Variants in ZMAT1 observed in about 807,000 individuals in gnomAD.
ZMAT1 encodes zinc finger matrin-type 1.
In ZMAT1, 11 loss-of-function variants were observed where a neutral mutation model predicts 18.5. The ratio of observed to expected loss-of-function variants is 0.59; its 90% CI spans 0.37 to 0.98. ZMAT1 has a LOEUF of 0.98. ZMAT1 is among the 50% of genes least tolerant of loss of function. The pLI is 0.01. For synonymous variants in ZMAT1, 211 were observed against 176.4 expected, an observed-to-expected ratio of 1.20 and a Z score of -1.55; for missense variants, 525 against 496.2, an observed-to-expected ratio of 1.06 and a Z score of -0.55.
intron 1 of ZMAT1, among the ~76,000 whole-genome samples, chrX:101,914,969 C>A (rs1272985294): frequency 2.7e-5 from 3 of 111,581 alleles, no homozygotes; most frequent in African/African-American, 9.8e-5. Context: ...TTCAACACTA[C>A]ATTAGAACGA....
In ZMAT1 at chrX:101,911,757, A is replaced by G. The variant is rs983018342; in HGVS notation, c.293-7427T>C. On this transcript the variant is annotated intron_variant, in intron 1 of 5. Coordinates refer to ENST00000651725, the MANE Select transcript of ZMAT1 (RefSeq NM_001394560.1). ...GGAGAGAAACCCTATGAATGTAACC[A>G]GTGTGGCAGAGCCTTCGGCCAGAGC... 30 of 1,207,917 alleles carry G rather than the reference A, an allele frequency of 2.5e-5. No individual in the cohort carries two copies. The African/African-American group carries it at 4.6e-4, about 18-fold the overall frequency.
chrX:101,919,488 A>G (rs1422822465), intron 1 of ZMAT1, among the ~76,000 whole-genome samples: 2 of 111,932 alleles, frequency 1.8e-5, no homozygotes, highest in African/African-American at 6.5e-5. Flanking sequence ...ATGCATACAT[A>G]ACGGTTCCAC....
At chrX:101,920,190 C>A (rs1929631886) in intron 1 of ZMAT1, among the ~76,000 whole-genome samples, 1 of 110,031 alleles carries the variant, frequency 9.1e-6, no homozygotes, top group African/African-American at 3.3e-5. Context: ...AGGCATACAC[C>A]ACCATGCTCA....
intron 1 of ZMAT1, among the ~76,000 whole-genome samples, chrX:101,927,427 C>A (rs1346575512): frequency 1.8e-5 from 2 of 111,906 alleles, no homozygotes; most frequent in South Asian, 7.4e-4. Flanking sequence ...ATAAGACTAC[C>A]ACCTGACTTA....
At position 101,883,503 on chromosome X, in the gene ZMAT1, T is replaced by C. The variant is rs1926643452; in HGVS notation, c.*7A>G. On this transcript the variant is annotated 3_prime_UTR_variant, in exon 6 of 6. Coordinates refer to ENST00000651725, the MANE Select transcript of ZMAT1 (RefSeq NM_001394560.1). ...CAATTCAACCTTGGGTAAACAAAAC[T>C]AAACATTCAAAATCCAAGAATAGAC... The C allele has an allele frequency of 1.7e-6, 2 of 1,154,056 alleles. No individual in the cohort carries two copies. The highest frequency in any genetic ancestry group is 2.3e-6 in the Non-Finnish European group (2 of 868,078).
intron 2 of ZMAT1, among the ~76,000 whole-genome samples, chrX:101,900,372 T>G (rs1390771750): frequency 9.0e-6 from 1 of 111,464 alleles, no homozygotes; most frequent in African/African-American, 3.3e-5. Context: ...ATGAAATCCT[T>G]GCCTAAGCCA....
intron 1 of ZMAT1, chrX:101,911,973 G>A: frequency 8.3e-7 from 1 of 1,200,564 alleles, no homozygotes; most frequent in Non-Finnish European, 1.1e-6. Flanking sequence ...CAGCACCGGA[G>A]GATCCACACA....
intron 4 of ZMAT1, among the ~76,000 whole-genome samples, chrX:101,892,991 G>A (rs756763561): frequency 9.0e-6 from 1 of 111,403 alleles, no homozygotes; most frequent in Admixed American, 9.6e-5. Flanking sequence ...AAATTCTCCA[G>A]GTATTTTTTA....
intron 1 of ZMAT1, among the ~76,000 whole-genome samples, chrX:101,929,097 T>C (rs1278261501): frequency 9.1e-6 from 1 of 110,171 alleles, no homozygotes; most frequent in Non-Finnish European, 1.9e-5. Context: ...TAATATTCCG[T>C]TTGCTAGTTT....
At chrX:101,895,002 C>G (rs985569648) in intron 4 of ZMAT1, 1 of 400,385 alleles carries the variant, frequency 2.5e-6, no homozygotes, top group Non-Finnish European at 3.2e-6. Flanking sequence ...TCTTGCCACT[C>G]TTAGCTCCAA....
intron 1 of ZMAT1, among the ~76,000 whole-genome samples, chrX:101,910,864 C>T (rs890727152): frequency 9.0e-6 from 1 of 111,468 alleles, no homozygotes; most frequent in Non-Finnish European, 1.9e-5. Context: ...AAAGCTTATT[C>T]AAAGGGATAA....
At chrX:101,921,406 T>A in intron 1 of ZMAT1, among the ~76,000 whole-genome samples, 1 of 112,532 alleles carries the variant, frequency 8.9e-6, no homozygotes, top group Non-Finnish European at 1.9e-5. Context: ...TTAGGACATA[T>A]TTATTCTTCC....
At chrX:101,911,147 A>G (rs7887169) in intron 1 of ZMAT1, among the ~76,000 whole-genome samples, 42,942 of 110,774 alleles carry the variant, frequency 0.39, 6,385 homozygotes, top group Non-Finnish European at 0.43. Flanking sequence ...TGCTAAAGAA[A>G]AAAAAAGCCC....
At chrX:101,930,872 G>A (rs753562577) in intron 1 of ZMAT1, among the ~76,000 whole-genome samples, 1 of 112,257 alleles carries the variant, frequency 8.9e-6, no homozygotes, top group South Asian at 3.7e-4. Flanking sequence ...TGTGAATACC[G>A]CTTATATTGA....
intron 1 of ZMAT1, among the ~76,000 whole-genome samples, chrX:101,915,287 C>T (rs1047694248): frequency 1.5e-5 from 1 of 68,070 alleles, no homozygotes; most frequent in African/African-American, 5.4e-5. Flanking sequence ...GACAAGGATG[C>T]CCAGTGTCAA....
rs184864823 is a variant in ZMAT1 at position 101,926,048 on chromosome X, A to G, written c.292+5669T>C. On this transcript the variant is annotated intron_variant, in intron 1 of 5. Coordinates refer to ENST00000651725, the MANE Select transcript of ZMAT1 (RefSeq NM_001394560.1). ...AAGGCCCAGAGAGGTAATAGGAATT[A>G]AAGAATTGAGGGAGGTAAACTGTAA... Among the ~76,000 whole-genome samples, 29 of 112,363 alleles carry G rather than the reference A, an allele frequency of 2.6e-4. 1 individual carries two copies. The Admixed American group carries it at 2.7e-3, about 11-fold the overall frequency.
intron 1 of ZMAT1, among the ~76,000 whole-genome samples, chrX:101,908,353 G>C (rs1928746899): frequency 9.0e-6 from 1 of 111,564 alleles, no homozygotes; most frequent in Admixed American, 9.5e-5. Context: ...CAAGATGGCA[G>C]AACAGAAAGC....
At chrX:101,916,286 A>G (rs777345879) in intron 1 of ZMAT1, among the ~76,000 whole-genome samples, 10 of 111,375 alleles carry the variant, frequency 9.0e-5, no homozygotes, top group African/African-American at 3.3e-4. Context: ...AATAGCTAAT[A>G]CATGCAGGGC....
At chrX:101,885,332 T>C (rs1926855865) in intron 5 of ZMAT1, among the ~76,000 whole-genome samples, 1 of 111,909 alleles carries the variant, frequency 8.9e-6, no homozygotes, top group African/African-American at 3.2e-5. Flanking sequence ...ATAAATGTGA[T>C]ATGTGTTTAT....
Sources: allele counts gnomAD v4.1 joint callset (sites outside exome capture counted in the v4.1 genomes callset), GRCh38; gene constraint gnomAD v4.1.1; transcripts MANE v1.5; gene names NCBI Gene and HGNC (gene_info 2026-07-23, HGNC 2026-07-21).